Variants in MGMT observed in about 807,000 individuals in gnomAD.
MGMT encodes the protein O-6-methylguanine-DNA methyltransferase, also known as methylated-DNA--protein-cysteine methyltransferase.
In MGMT, 14 loss-of-function variants were observed where a neutral mutation model predicts 15.9. That is an observed-to-expected ratio of 0.88 (90% CI 0.58 to 1.37). The LOEUF (loss-of-function observed/expected upper bound fraction) is 1.37, where lower values mean the gene tolerates loss of function less well. MGMT is among the 40% of genes most tolerant of loss of function. The pLI is 0.00. For synonymous variants in MGMT, 130 were observed against 118.2 expected (o/e 1.10, Z -0.65); for missense variants, 282 against 268.1 (o/e 1.05, Z -0.36).
chr10:129,623,995 G>A lies in MGMT; in HGVS notation c.126-83900G>A, dbSNP rs574323534. On this transcript the variant is annotated intron_variant, in intron 2 of 4. Transcript: ENST00000651593. ...GAGACACCCTCTCCCTGCTAGCCCC[G>A]TGCAGGGGTCTTCCCATGTGTACCC... 5.6e-3 allele frequency among the ~76,000 whole-genome samples: 846 copies of A among 152,326 alleles called. 5 individuals are homozygous for A. Among genetic ancestry groups the A allele is most frequent in the Non-Finnish European group, 8.6e-3 (585 of 68,020 alleles).
intron 2 of MGMT, among the ~76,000 whole-genome samples, chr10:129,588,169 T>G (rs967853198): frequency 2.6e-5 from 4 of 152,130 alleles, no homozygotes; most frequent in Non-Finnish European, 4.4e-5. Flanking sequence ...GTCCTATCAG[T>G]GCAAGGAAAT....
intron 2 of MGMT, among the ~76,000 whole-genome samples, chr10:129,698,343 C>T (rs1309956948): frequency 6.6e-6 from 1 of 150,876 alleles, no homozygotes; most frequent in Non-Finnish European, 1.5e-5. Context: ...GTGTATAGAT[C>T]GACGTGGCTT....
intron 2 of MGMT, among the ~76,000 whole-genome samples, chr10:129,680,769 G>A (rs534057108): frequency 6.6e-6 from 1 of 152,322 alleles, no homozygotes; most frequent in African/African-American, 2.4e-5. Context: ...TGGGGACGTG[G>A]CTGCTGCTTC....
chr10:129,591,506 G>A (rs1846685334), intron 2 of MGMT, among the ~76,000 whole-genome samples: 1 of 152,190 alleles, frequency 6.6e-6, no homozygotes, highest in Admixed American at 6.5e-5. Context: ...AAGACCTCGC[G>A]TGTCCAAGAG....
intron 2 of MGMT, among the ~76,000 whole-genome samples, chr10:129,574,624 C>T (rs148046351): frequency 6.9e-4 from 105 of 152,228 alleles, no homozygotes; most frequent in African/African-American, 2.3e-3. Flanking sequence ...TGCCACCCCT[C>T]GAGCTGTGTC....
intron 1 of MGMT, among the ~76,000 whole-genome samples, chr10:129,522,443 G>A (rs1188143576): frequency 1.3e-5 from 2 of 152,186 alleles, no homozygotes; most frequent in Non-Finnish European, 2.9e-5. Flanking sequence ...TGAGGCTGGG[G>A]TGGGTGCCCG....
chr10:129,733,894 A>C (rs1297637553), intron 3 of MGMT, among the ~76,000 whole-genome samples: 4 of 151,714 alleles, frequency 2.6e-5, no homozygotes, highest in African/African-American at 4.8e-5. Context: ...ATTTCTGAGG[A>C]CTCTGTTCTG....
intron 2 of MGMT, among the ~76,000 whole-genome samples, chr10:129,580,253 G>A (rs900401781): frequency 1.3e-5 from 2 of 152,158 alleles, no homozygotes; most frequent in African/African-American, 4.8e-5. Flanking sequence ...GGGGATGCGC[G>A]GGAGCCAGTG....
At chr10:129,603,361 TCTGA>T (rs959600673) in intron 2 of MGMT, among the ~76,000 whole-genome samples, 2 of 152,262 alleles carry the variant, frequency 1.3e-5, no homozygotes, top group South Asian at 2.1e-4. Flanking sequence ...CGGGCAGCTG[TCTGA>T]CTGAGCGCGT....
chr10:129,495,739 T>C (rs1047745095), intron 1 of MGMT, among the ~76,000 whole-genome samples: 6 of 152,232 alleles, frequency 3.9e-5, no homozygotes, highest in Non-Finnish European at 1.5e-5. Flanking sequence ...CTTATCTCTT[T>C]CCACCAGGAT....
intron 2 of MGMT, among the ~76,000 whole-genome samples, chr10:129,537,999 A>G (rs1298780897): frequency 3.9e-5 from 6 of 152,108 alleles, no homozygotes; most frequent in Non-Finnish European, 8.8e-5. Context: ...GGCTAAAATT[A>G]GGTGTCTTGT....
At chr10:129,639,727 G>A (rs1018399415) in intron 2 of MGMT, among the ~76,000 whole-genome samples, 3 of 152,030 alleles carry the variant, frequency 2.0e-5, no homozygotes, top group Non-Finnish European at 2.9e-5. Flanking sequence ...TTTTATAATA[G>A]CAAAAGGTCT....
At chr10:129,514,058 G>A (rs1166358357) in intron 1 of MGMT, among the ~76,000 whole-genome samples, 1 of 152,188 alleles carries the variant, frequency 6.6e-6, no homozygotes, top group Non-Finnish European at 1.5e-5. Context: ...AATGAACACT[G>A]CAGATCTCTG....
intron 1 of MGMT, among the ~76,000 whole-genome samples, chr10:129,468,293 C>A (rs1169691306): frequency 6.6e-6 from 1 of 152,118 alleles, no homozygotes; most frequent in African/African-American, 2.4e-5. Context: ...CAAAGCTTAG[C>A]GCACCTGGTG....
In MGMT at chr10:129,679,636, G is replaced by A. The variant is rs187630935; in HGVS notation, c.126-28259G>A. ...CGTGCTGTGGGGTATTTTTATGTTA[G>A]GTGTTAACATTCAGCAAACAAATCC... On this transcript the variant is annotated intron_variant, in intron 2 of 4. Transcript: ENST00000651593. Among the ~76,000 whole-genome samples, 44 of 152,230 alleles carry A rather than the reference G, an allele frequency of 2.9e-4. No homozygotes were observed. The East Asian group carries it at 8.3e-3, about 29-fold the overall frequency.
intron 2 of MGMT, among the ~76,000 whole-genome samples, chr10:129,675,594 C>G (rs1213473678): frequency 6.6e-6 from 1 of 152,100 alleles, no homozygotes; most frequent in Non-Finnish European, 1.5e-5. Flanking sequence ...AACAACGCTT[C>G]AACCTTGGGC....
chr10:129,682,971 C>G (rs1847869197), intron 2 of MGMT, among the ~76,000 whole-genome samples: 2 of 152,146 alleles, frequency 1.3e-5, no homozygotes, highest in South Asian at 2.1e-4. Context: ...GCCTCAGCCT[C>G]CCAAGTAGCT....
intron 2 of MGMT, among the ~76,000 whole-genome samples, chr10:129,629,310 A>T (rs1050771512): frequency 1.3e-5 from 2 of 152,236 alleles, no homozygotes; most frequent in Non-Finnish European, 2.9e-5. Flanking sequence ...ATTGGCTGCG[A>T]TATCTCTGTA....
At chr10:129,542,269 C>T (rs191301677) in intron 2 of MGMT, among the ~76,000 whole-genome samples, 220 of 152,252 alleles carry the variant, frequency 1.4e-3, no homozygotes, top group African/African-American at 5.0e-3. Flanking sequence ...GTATGTGCAC[C>T]TGCCGAGTCT....
Sources: gnomAD v4.1 joint callset for allele counts (sites outside exome capture counted in the v4.1 genomes callset) on GRCh38, gnomAD v4.1.1 for gene constraint, MANE v1.5 for transcripts, NCBI Gene and HGNC (gene_info 2026-07-23, HGNC 2026-07-21) for gene names.